The following CAMTA1 variants were observed in gnomAD, a reference collection of about 807,000 sequenced individuals.
The protein encoded by CAMTA1 is calmodulin-binding transcription activator 1.
Under a neutral mutation model 170.9 loss-of-function variants are expected in CAMTA1, and 27 were observed. The observed-to-expected ratio is 0.16, with a 90% CI of 0.12 to 0.22. The LOEUF (loss-of-function observed/expected upper bound fraction) is 0.22. CAMTA1 is among the 10% of genes least tolerant of loss of function. CAMTA1 has a pLI of 1.00. For missense variants in CAMTA1, 1,619 were observed against 2,217.2 expected, an observed-to-expected ratio of 0.73 and a Z score of 5.42; for synonymous variants, 833 against 891.5, an observed-to-expected ratio of 0.93 and a Z score of 1.17.
chr1:6,957,827 T>C (rs139345535), intron 3 of CAMTA1, among the ~76,000 whole-genome samples: 43 of 152,360 alleles, frequency 2.8e-4, no homozygotes, highest in African/African-American at 9.6e-4. Flanking sequence ...TTATTCTGCC[T>C]GCCACAGGCA....
At chr1:6,796,132 C>CTTTTT (rs978363793) in intron 1 of CAMTA1, among the ~76,000 whole-genome samples, 1 of 70,962 alleles carries the variant, frequency 1.4e-5, no homozygotes, top group Admixed American at 1.3e-4. Context: ...AATAGCATTT[C>CTTTTT]TTTTTTTTTT....
At chr1:7,210,383 C>T (rs753370508) in intron 4 of CAMTA1, among the ~76,000 whole-genome samples, 55 of 152,122 alleles carry the variant, frequency 3.6e-4, no homozygotes, top group South Asian at 8.3e-4. Context: ...GCAATTTTGG[C>T]AGGAACACCA....
intron 3 of CAMTA1, among the ~76,000 whole-genome samples, chr1:6,858,249 C>T (rs1394805097): frequency 3.3e-5 from 5 of 152,176 alleles, no homozygotes; most frequent in African/African-American, 4.8e-5. Flanking sequence ...TGTTTCATGG[C>T]ATTCATTTTG....
At chr1:7,031,435 C>A (rs1304761819) in intron 3 of CAMTA1, among the ~76,000 whole-genome samples, 1 of 152,116 alleles carries the variant, frequency 6.6e-6, no homozygotes, top group Non-Finnish European at 1.5e-5. Context: ...AATGGTATAT[C>A]TTCTTCCATT....
chr1:7,602,274 C>G (rs2095453386), intron 6 of CAMTA1, among the ~76,000 whole-genome samples: 1 of 151,348 alleles, frequency 6.6e-6, no homozygotes, highest in South Asian at 2.1e-4. Flanking sequence ...GGCTGTGAAT[C>G]CATCTGGTCC....
Position 6,825,206 on chromosome 1 carries a change from A to G in CAMTA1, c.230A>G (p.Asn77Ser). The change falls in exon 3 of 23, where the codon AAT (asparagine) becomes AGT (serine). Residue 77 changes from asparagine (N) to serine (S), a missense_variant. By Grantham distance (46) the Asn-to-Ser change is conservative. Coordinates refer to ENST00000303635, the MANE Select transcript of CAMTA1 (RefSeq NM_015215.4). Reference sequence around the variant, plus strand: ...AAAGAGAGGCACCGCTGGAACACTAATGAGGTAGATAAGTTTCTTTTTTTA... The same window carrying G: ...AAAGAGAGGCACCGCTGGAACACTAGTGAGGTAGATAAGTTTCTTTTTTTA... Reference protein sequence around the residue: ...LPKERHRWNTNEEIAAYLITF... With the variant: ...LPKERHRWNTSEEIAAYLITF... 1 of 1,564,290 alleles carries G rather than the reference A, an allele frequency of 6.4e-7. No homozygotes were observed.
At chr1:6,825,505 CT>C (rs1647003301) in intron 3 of CAMTA1, among the ~76,000 whole-genome samples, 1 of 152,142 alleles carries the variant, frequency 6.6e-6, no homozygotes, top group African/African-American at 2.4e-5. Context: ...GTGGTTAACC[CT>C]GCCTGCATGC....
chr1:7,680,268 C>A lies in CAMTA1; in HGVS notation c.2914+2535C>A. On this transcript the variant is annotated intron_variant, in intron 11 of 22. Coordinates refer to ENST00000303635, the MANE Select transcript of CAMTA1 (RefSeq NM_015215.4). This position sits in a 1 kb window ranked among gnomAD's most constrained non-coding sequence, Gnocchi z 4.4. The stretch of plus-strand genomic sequence containing the variant: ...TCCCGGCCCCTCCCCTCGGTCTCCG[C>A]AGCTTCTCGGCTCAGCCCCTCCCGT... 4.4e-6 allele frequency: 1 copy of A among 225,468 alleles called. No homozygotes were observed. Among genetic ancestry groups the A allele is most frequent in the Non-Finnish European group, 9.5e-6 (1 of 104,762 alleles). The allele number at this position is 225,468 out of a possible 1,614,324, so 14.0% of individuals were successfully genotyped here. A position where few individuals can be genotyped will look rare whatever the true frequency, so the allele number is the denominator to read the frequency against.
chr1:6,831,804 A>T (rs1488088904), intron 3 of CAMTA1, among the ~76,000 whole-genome samples: 1 of 152,232 alleles, frequency 6.6e-6, no homozygotes. Context: ...TTAGAGTGTC[A>T]TATTAAATGC....
rs1461600650 is a variant in CAMTA1 at position 7,333,266 on chromosome 1, G to A, written c.438+83640G>A. Among the ~76,000 whole-genome samples the A allele has an allele frequency of 2.0e-5, 3 of 152,164 alleles. No individual in the cohort carries two copies. Among genetic ancestry groups the A allele is most frequent in the Admixed American group, 1.3e-4 (2 of 15,288 alleles). On this transcript the variant is annotated intron_variant, in intron 5 of 22. Coordinates refer to ENST00000303635, the MANE Select transcript of CAMTA1 (RefSeq NM_015215.4). This position sits in a 1 kb window ranked among gnomAD's most constrained non-coding sequence, Gnocchi z 4.4. ...TCAGGTGATTATGAGCTTCCCTGTC[G>A]AGGTTGGGCTCTGCAAGCTTTGGCA...
chr1:6,878,045 T>C (rs1169111930), intron 3 of CAMTA1, among the ~76,000 whole-genome samples: 4 of 152,232 alleles, frequency 2.6e-5, no homozygotes, highest in Non-Finnish European at 4.4e-5. Flanking sequence ...TGCAGAGATA[T>C]ATCTGTAATT....
chr1:7,406,120 T>C (rs555852626), intron 5 of CAMTA1, among the ~76,000 whole-genome samples: 2 of 152,354 alleles, frequency 1.3e-5, no homozygotes, highest in East Asian at 3.9e-4. Context: ...TGCCTGTCAC[T>C]TCCTGTGATA....
chr1:7,385,592 C>T (rs74931615), intron 5 of CAMTA1, among the ~76,000 whole-genome samples: 3,424 of 152,212 alleles, frequency 0.022, 109 homozygotes, highest in African/African-American at 0.078. Flanking sequence ...GGGAGAGCCC[C>T]GGGGGGAAGA....
intron 1 of CAMTA1, among the ~76,000 whole-genome samples, chr1:6,809,603 A>G (rs998870225): frequency 2.6e-5 from 4 of 152,096 alleles, no homozygotes; most frequent in Admixed American, 2.6e-4. Context: ...TACCTTTGCA[A>G]CCAATGAATG....
intron 6 of CAMTA1, among the ~76,000 whole-genome samples, chr1:7,553,220 T>G (rs546861658): frequency 0.044 from 603 of 13,582 alleles, 3 homozygotes; most frequent in Non-Finnish European, 0.066. Flanking sequence ...AATAAGTGAG[T>G]GAATGAATGA....
rs955711131 is a variant in CAMTA1, at chr1:7,014,525, G to A, written c.235-76779G>A. Among the ~76,000 whole-genome samples the A allele has an allele frequency of 7.2e-5, 11 of 152,228 alleles. No individual in the cohort carries two copies. Among genetic ancestry groups the A allele is most frequent in the African/African-American group, 2.7e-4 (11 of 41,470 alleles). On this transcript the variant is annotated intron_variant, in intron 3 of 22. Transcript: ENST00000303635. The surrounding 1 kb of genome is among the most constrained non-coding windows in gnomAD (Gnocchi z 4.2). ...GCATGGTGAGGCGAATGGCTGCAGG[G>A]ACTGAGGCCTTTCTGTAACTAAAGC...
intron 5 of CAMTA1, among the ~76,000 whole-genome samples, chr1:7,378,915 C>T (rs1031069654): frequency 2.6e-5 from 4 of 152,126 alleles, no homozygotes; most frequent in Admixed American, 6.5e-5. Context: ...TTTTCCTTAG[C>T]TCATATCTTG....
chr1:7,678,510 C>A (rs967080635), intron 11 of CAMTA1, among the ~76,000 whole-genome samples: 7 of 152,188 alleles, frequency 4.6e-5, no homozygotes, highest in Admixed American at 3.3e-4. Flanking sequence ...CTTGGGGTAC[C>A]AGGGGCTCTG....
intron 3 of CAMTA1, among the ~76,000 whole-genome samples, chr1:6,997,656 CTTTCTTTTT>C (rs1357985809): frequency 7.8e-6 from 1 of 128,412 alleles, no homozygotes; most frequent in African/African-American, 3.3e-5. Flanking sequence ...CCTTTCTTTT[CTTTCTTTTT>C]TTTTTTTTTT....
Sources: allele counts gnomAD v4.1 joint callset (sites outside exome capture counted in the v4.1 genomes callset), GRCh38; gene constraint gnomAD v4.1.1; non-coding constraint Gnocchi (gnomAD v3.1); transcripts MANE v1.5; gene names NCBI Gene and HGNC (gene_info 2026-07-23, HGNC 2026-07-21).